The following FAM50A variants were observed in gnomAD, a reference collection of about 807,000 sequenced individuals.
FAM50A encodes the protein protein FAM50A.
FAM50A carries 6 observed loss-of-function variants against 35.5 expected under a neutral mutation model. The ratio of observed to expected loss-of-function variants is 0.17; its 90% CI spans 0.09 to 0.33. FAM50A has a LOEUF of 0.33. Ranked by LOEUF, FAM50A falls within the 10% of genes least tolerant of loss-of-function variation. FAM50A has a pLI of 1.00. For missense variants in FAM50A, 145 were observed against 295.5 expected (o/e 0.49, Z 3.73); for synonymous variants, 120 against 110.9 (o/e 1.08, Z -0.52).
At chrX:154,446,219 C>T in intron 3 of FAM50A, 196 bp from the exon 4 acceptor site, 1 of 462,148 alleles carries the variant, frequency 2.2e-6, no homozygotes. Context: ...GCCCTCTGTG[C>T]TTGCTGTTTG....
chrX:154,448,345 A>G (rs2068790263), intron 4 of FAM50A, 139 bp from the exon 5 acceptor site: 1 of 499,882 alleles, frequency 2.0e-6, no homozygotes, highest in Non-Finnish European at 3.5e-6. Flanking sequence ...TGGGTTGACA[A>G]GCGTGAGCCT....
intron 8 of FAM50A, among the ~76,000 whole-genome samples, 154 bp from the exon 9 acceptor site, chrX:154,449,527 C>T (rs1209860147): frequency 8.9e-6 from 1 of 112,427 alleles, no homozygotes; most frequent in African/African-American, 3.2e-5. Flanking sequence ...TGCTGGGCGC[C>T]AGTCCTGTGC....
chrX:154,444,293 A>G lies in FAM50A; in HGVS notation c.58A>G (p.Lys20Glu). The G allele has an allele frequency of 8.9e-7, 1 of 1,121,526 alleles. No homozygotes were observed. Among genetic ancestry groups the G allele is most frequent in the Non-Finnish European group, 1.2e-6 (1 of 849,599 alleles). The allele number at this position is 1,121,526 out of a possible 1,213,427, so 92.4% of individuals were successfully genotyped here. A position where few individuals can be genotyped will look rare whatever the true frequency, so the allele number is the denominator to read the frequency against. The stretch of plus-strand genomic sequence containing the variant: ...CGGCCGCGCCATGCACCTGATGAAG[A>G]AGCGGGAGAAGCAGCGCGAGCAGAT... Reference protein sequence around the residue: ...EAGRAMHLMKKREKQREQMEQ... With the variant: ...EAGRAMHLMKEREKQREQMEQ... The change falls in exon 1 of 13, where the codon AAG becomes GAG. Residue 20 changes from lysine to glutamate, a missense_variant. Transcript: ENST00000393600.
intron 1 of FAM50A, chrX:154,444,999 CA>C (rs1358727265): frequency 8.9e-6 from 1 of 112,532 alleles, no homozygotes; most frequent in African/African-American, 3.3e-5. Context: ...CTCGGGGCTC[CA>C]GGGGAGAGCA....
In FAM50A at chrX:154,450,084, T is replaced by C. The variant is rs781944850; in HGVS notation, c.885T>C (p.Thr295=). 5.8e-6 allele frequency: 7 copies of C among 1,210,102 alleles called. No homozygotes were observed. Among genetic ancestry groups the C allele is most frequent in the South Asian group, 1.8e-5 (1 of 56,916 alleles). Residue 295 remains threonine (T), a synonymous_variant, in exon 11 of 13, where the codon ACT becomes ACC. Transcript: ENST00000393600. Reference sequence around the variant, plus strand: ...ATGTGCGGTTGCTCAGTGACGCCACTGTGGAGAAGGATGAGGTACAGCGTA... The same window carrying C: ...ATGTGCGGTTGCTCAGTGACGCCACCGTGGAGAAGGATGAGGTACAGCGTA... ...HDDVRLLSDA[T]VEKDESHAGK...
At chrX:154,445,568 T>C in intron 1 of FAM50A, 65 bp from the exon 2 acceptor site, 2 of 927,288 alleles carry the variant, frequency 2.2e-6, no homozygotes, top group Non-Finnish European at 3.1e-6. Flanking sequence ...ACGCAGGTCC[T>C]TGATGGCCAG....
chrX:154,449,872 T>A lies in FAM50A; in HGVS notation c.781-11T>A, dbSNP rs374955931. 14 of 1,211,218 alleles carry A rather than the reference T, an allele frequency of 1.2e-5. No homozygotes were observed. Among genetic ancestry groups the A allele is most frequent in the Non-Finnish European group, 1.5e-5 (13 of 895,163 alleles). On this transcript the variant is annotated splice_polypyrimidine_tract_variant and intron_variant, in intron 9 of 12. Transcript: ENST00000393600. ...CCATCAAGACGCCGCTTTCCTGCCC[T>A]TGGCTCCCAGCATCACAGCTTCTAC...
At chrX:154,447,407 A>C (rs781882546) in intron 4 of FAM50A, among the ~76,000 whole-genome samples, 1 of 110,966 alleles carries the variant, frequency 9.0e-6, no homozygotes, top group East Asian at 2.8e-4. Context: ...CATGGCTTTG[A>C]GGGGAGTGCA....
intron 3 of FAM50A, 100 bp downstream of exon 3, chrX:154,446,011 G>C: frequency 1.7e-6 from 1 of 598,346 alleles, no homozygotes; most frequent in Non-Finnish European, 2.7e-6. Context: ...CCTGTCTCCA[G>C]CTTTGGGACA....
At chrX:154,448,809 T>C in intron 6 of FAM50A, 53 bp downstream of exon 6, 2 of 1,194,278 alleles carry the variant, frequency 1.7e-6, no homozygotes, top group Non-Finnish European at 2.3e-6. Flanking sequence ...CCAGCTTCCC[T>C]GTCCACAGTC....
intron 2 of FAM50A, 39 bp downstream of exon 2, chrX:154,445,756 C>T (rs781860807): frequency 8.4e-7 from 1 of 1,188,557 alleles, no homozygotes; most frequent in South Asian, 1.8e-5. Flanking sequence ...GGGCCCCGGG[C>T]CACTCTTCCG....
intron 5 of FAM50A, 32 bp from the exon 6 acceptor site, chrX:154,448,658 G>A: frequency 8.3e-7 from 1 of 1,200,643 alleles, no homozygotes; most frequent in Non-Finnish European, 1.1e-6. Context: ...AGCAGCCCTG[G>A]GCCTCACCTG....
chrX:154,449,265 C>T lies in FAM50A; in HGVS notation c.693C>T (p.Leu231=), dbSNP rs144474497. ...TGCAGCAGTTCCTGCAGAAGGCGCT[C>T]GAGATCCTTCGGAAAGACTTCAGTG... is the stretch of plus-strand genomic sequence containing the variant. ...NTMQQFLQKA[L]EILRKDFSEL... The change falls in exon 8 of 13, where the codon CTC becomes CTT. Residue 231 remains leucine, a synonymous_variant. Transcript: ENST00000393600. 87 of 1,209,342 alleles carry T rather than the reference C, an allele frequency of 7.2e-5. No homozygotes were observed. The highest frequency in any genetic ancestry group is 1.5e-4 in the Admixed American group (7 of 46,038).
intron 8 of FAM50A, 133 bp from the exon 9 acceptor site, chrX:154,449,548 A>G (rs45463798): frequency 0.15 from 87,801 of 574,785 alleles, 7,500 homozygotes; most frequent in African/African-American, 0.53. Context: ...TCACTAAACC[A>G]TGGAGCTTCC....
rs2068800059 is a variant in FAM50A, at chrX:154,450,275, C to T, written c.967C>T (p.Arg323Cys). 2 of 1,209,094 alleles carry T rather than the reference C, an allele frequency of 1.7e-6. No individual in the cohort carries two copies. The highest frequency in any genetic ancestry group is 2.2e-5 in the Admixed American group (1 of 45,811). ...EKNKHIFPASRWEPYDPEKKW... is the reference protein window; with the variant it reads ...EKNKHIFPASCWEPYDPEKKW... ...GAACAAGCACATCTTTCCCGCCAGC[C>T]GCTGGGAACCCTACGACCCTGAAAA... The change falls in exon 12 of 13, where the codon CGC becomes TGC. Residue 323 changes from arginine to cysteine, a missense_variant. By Grantham distance (180) the Arg-to-Cys change is radical. Around this residue, in one of 5 missense-constraint regions of FAM50A, gnomAD observed 59 missense variants for 164.5 expected, o/e 0.36. Coordinates refer to ENST00000393600, the MANE Select transcript of FAM50A (RefSeq NM_004699.4).
chrX:154,444,377 G>A, intron 1 of FAM50A, 31 bp downstream of exon 1: 1 of 850,048 alleles, frequency 1.2e-6, no homozygotes. Flanking sequence ...GAGCATGCGC[G>A]CTGCCCAGGT....
intron 1 of FAM50A, chrX:154,445,417 G>A (rs1250933068): frequency 4.5e-6 from 2 of 441,475 alleles, no homozygotes; most frequent in African/African-American, 4.9e-5. Context: ...AGGGACCTGT[G>A]ATCCCCAGCA....
chrX:154,448,943 C>T lies in FAM50A; in HGVS notation c.637C>T (p.Arg213Trp). Residue 213 changes from arginine to tryptophan, a missense_variant, in exon 7 of 13, where the codon CGG (arginine) becomes TGG (tryptophan). By Grantham distance (101) the Arg-to-Trp change is moderately radical. Transcript: ENST00000393600. Reference sequence around the variant, plus strand: ...CTACTGGGATGGCTCTGGGCACCGGCGGACAGTCAAGGTAGGCAGCGTGCA... The same window carrying T: ...CTACTGGGATGGCTCTGGGCACCGGTGGACAGTCAAGGTAGGCAGCGTGCA... The part of the protein sequence containing the change: ...FSYWDGSGHR[R>W]TVKMRKGNTM... 1 of 1,209,594 alleles carries T rather than the reference C, an allele frequency of 8.3e-7. No homozygotes were observed. The highest frequency in any genetic ancestry group is 1.1e-6 in the Non-Finnish European group (1 of 893,685).
In FAM50A at chrX:154,449,940, C is replaced by T. The variant is rs982732679; in HGVS notation, c.829+9C>T. ...GGCACGGGGGAAGAGTGGTGAGTGC[C>T]GCCGACCCAGCCGCCCCCATAGCAC... On this transcript the variant is annotated intron_variant, in intron 10 of 12. Transcript: ENST00000393600. 38 of 1,209,140 alleles carry T rather than the reference C, an allele frequency of 3.1e-5. No homozygotes were observed. The highest frequency in any genetic ancestry group is 5.3e-5 in the South Asian group (3 of 56,813).
Sources: allele counts gnomAD v4.1 joint callset (sites outside exome capture counted in the v4.1 genomes callset), GRCh38; gene constraint gnomAD v4.1.1; regional missense constraint gnomAD v4.1.1; transcripts MANE v1.5; gene names NCBI Gene and HGNC (gene_info 2026-07-23, HGNC 2026-07-21).